The following ZNF536 variants were observed in gnomAD, a reference collection of about 807,000 sequenced individuals.
ZNF536 encodes zinc finger protein 536.
ZNF536 carries 13 observed loss-of-function variants against 84.5 expected under a neutral mutation model. The observed-to-expected ratio is 0.15, with a 90% confidence interval of 0.10 to 0.24. ZNF536 has a LOEUF of 0.24. Ranked by LOEUF, ZNF536 falls within the 10% of genes least tolerant of loss-of-function variation. The pLI is 1.00. For synonymous variants in ZNF536, 811 were observed against 742.5 expected, an observed-to-expected ratio of 1.09 and a Z score of -1.50; for missense variants, 1,536 against 1,747.5, an observed-to-expected ratio of 0.88 and a Z score of 2.16.
chr19:30,562,653 C>T (rs1183207980), downstream of ZNF536, among the ~76,000 whole-genome samples: 2 of 152,018 alleles, frequency 1.3e-5, no homozygotes, highest in African/African-American at 4.8e-5. Context: ...GTGTGTGAAT[C>T]CAGGAGTTCC....
chr19:30,478,749 A>T (rs1169683091), intron 2 of ZNF536, among the ~76,000 whole-genome samples: 1 of 152,080 alleles, frequency 6.6e-6, no homozygotes, highest in Non-Finnish European at 1.5e-5. Context: ...GTCGAACTGG[A>T]TTCTCCCAAG....
intron 3 of ZNF536, among the ~76,000 whole-genome samples, chr19:30,353,390 C>T (rs1451996329): frequency 6.6e-6 from 1 of 151,714 alleles, no homozygotes; most frequent in Non-Finnish European, 1.5e-5. Flanking sequence ...TTTTTTTACC[C>T]CCTTTATTTG....
At chr19:30,472,184 T>C (rs1351671124) in intron 2 of ZNF536, among the ~76,000 whole-genome samples, 2 of 152,202 alleles carry the variant, frequency 1.3e-5, no homozygotes, top group Non-Finnish European at 2.9e-5. Flanking sequence ...ACCCAGCTGT[T>C]TAGAGAAGGA....
intron 1 of ZNF536, among the ~76,000 whole-genome samples, chr19:30,392,131 T>C (rs1011312584): frequency 6.6e-6 from 1 of 151,548 alleles, no homozygotes; most frequent in African/African-American, 2.4e-5. Flanking sequence ...AGGGAGTGAG[T>C]GTCTCCTCTT....
chr19:30,271,299 C>CTTTTTTTTTT (rs781528411), intron 1 of ZNF536, among the ~76,000 whole-genome samples: 2 of 111,840 alleles, frequency 1.8e-5, no homozygotes, highest in African/African-American at 3.6e-5. Flanking sequence ...TTTTTCTTTT[C>CTTTTTTTTTT]TTTTTTTTTT....
At chr19:30,521,033 C>G (rs955729315) in intron 2 of ZNF536, among the ~76,000 whole-genome samples, 1 of 152,242 alleles carries the variant, frequency 6.6e-6, no homozygotes, top group Non-Finnish European at 1.5e-5. Flanking sequence ...ATGAAGCACT[C>G]AGACCCTCTG....
rs757128655 is a variant in ZNF536 at position 30,444,270 on chromosome 19, C to T, written c.708C>T (p.Ala236=). 4.5e-6 allele frequency: 7 copies of T among 1,558,096 alleles called. No homozygotes were observed. Among genetic ancestry groups the T allele is most frequent in the Non-Finnish European group, 6.0e-6 (7 of 1,159,454 alleles). The change falls in exon 2 of 5, where the codon GCC becomes GCT. Residue 236 remains alanine (A), a synonymous_variant. Coordinates refer to ENST00000355537, the MANE Select transcript of ZNF536 (RefSeq NM_014717.3). ...CGCACGCCCAGCAGGCCCCGCTGGC[C>T]GCCTGCACCCTGGCCCTGCAGGCTA... is the stretch of plus-strand genomic sequence containing the variant. ...PPPHAQQAPL[A]ACTLALQANH... is the part of the protein sequence containing the mutation.
At chr19:30,631,658 A>T (rs1024081329) in intron 1 of ZNF536, among the ~76,000 whole-genome samples, 4 of 152,058 alleles carry the variant, frequency 2.6e-5, no homozygotes, top group Non-Finnish European at 5.9e-5. Flanking sequence ...AGAGTGATCG[A>T]TGGCTCTTCA....
chr19:30,612,214 G>A (rs1194797993), intron 1 of ZNF536, among the ~76,000 whole-genome samples: 1 of 152,170 alleles, frequency 6.6e-6, no homozygotes, highest in Non-Finnish European at 1.5e-5. Context: ...TTGTGAATGG[G>A]TGATTCGCTA....
chr19:30,547,027 T>C (rs1311869593), intron 3 of ZNF536, among the ~76,000 whole-genome samples: 1 of 152,226 alleles, frequency 6.6e-6, no homozygotes, highest in South Asian at 2.1e-4. Flanking sequence ...AATTATCTTA[T>C]ATGTTTTAAA....
intron 1 of ZNF536, among the ~76,000 whole-genome samples, chr19:30,249,233 CTG>C (rs1438626289): frequency 1.3e-5 from 2 of 152,058 alleles, no homozygotes; most frequent in African/African-American, 4.8e-5. Context: ...GTGCCTAGCA[CTG>C]TGTTTCCAAA....
At chr19:30,550,549 AAGGAAGGCAGGAAGGC>A (rs368087018) in intron 4 of ZNF536, among the ~76,000 whole-genome samples, 1 of 151,816 alleles carries the variant, frequency 6.6e-6, no homozygotes, top group Non-Finnish European at 1.5e-5. Context: ...TCACCTGTGG[AAGGAAGGCAGGAAGGC>A]AGGAAGGCAG....
intron 2 of ZNF536, among the ~76,000 whole-genome samples, chr19:30,322,107 T>C (rs377282388): frequency 3.9e-5 from 6 of 152,274 alleles, no homozygotes; most frequent in East Asian, 1.9e-4. Context: ...TTTTTCCATA[T>C]ATATAATCAG....
chr19:30,429,513 C>G (rs1227568509), intron 1 of ZNF536, among the ~76,000 whole-genome samples: 3 of 152,076 alleles, frequency 2.0e-5, no homozygotes, highest in Non-Finnish European at 4.4e-5. Context: ...GTCAGCTCAC[C>G]CCAAAGGCCT....
chr19:30,586,111 G>C (rs1023757964), intron 1 of ZNF536, among the ~76,000 whole-genome samples: 25 of 152,106 alleles, frequency 1.6e-4, no homozygotes, highest in African/African-American at 5.8e-4. Flanking sequence ...ATGTATATTT[G>C]GGCAAGTTAC....
At chr19:30,373,400 C>G (rs1768693399) in intron 1 of ZNF536, among the ~76,000 whole-genome samples, 1 of 151,946 alleles carries the variant, frequency 6.6e-6, no homozygotes, top group South Asian at 2.1e-4. Context: ...AATTCACACC[C>G]CCCACCCCTT....
chr19:30,650,754 A>G (rs999644288), intron 1 of ZNF536, among the ~76,000 whole-genome samples: 3 of 152,222 alleles, frequency 2.0e-5, no homozygotes, highest in African/African-American at 7.2e-5. Context: ...TGTCCCAAGA[A>G]TGTCAATCTC....
chr19:30,561,817 A>G (rs901161780), downstream of ZNF536, among the ~76,000 whole-genome samples: 1 of 152,224 alleles, frequency 6.6e-6, no homozygotes, highest in Non-Finnish European at 1.5e-5. Context: ...CCTCAGGCAG[A>G]ATGAAGCAAG....
At chr19:30,420,536 G>T (rs2050909220) in intron 1 of ZNF536, among the ~76,000 whole-genome samples, 1 of 152,170 alleles carries the variant, frequency 6.6e-6, no homozygotes, top group Non-Finnish European at 1.5e-5. Flanking sequence ...CTAGGAAGTA[G>T]AGCTGCTTCT....
Sources: allele counts gnomAD v4.1 joint callset (sites outside exome capture counted in the v4.1 genomes callset), GRCh38; gene constraint gnomAD v4.1.1; transcripts MANE v1.5; gene names NCBI Gene and HGNC (gene_info 2026-07-23, HGNC 2026-07-21).